TFAP2A: variants seen among roughly 807,000 people sequenced by gnomAD.
TFAP2A encodes the protein transcription factor AP-2 alpha, also known as transcription factor AP-2-alpha.
TFAP2A carries 7 observed loss-of-function variants against 41.5 expected under a neutral mutation model. The observed-to-expected ratio is 0.17, with a 90% CI of 0.10 to 0.32. The LOEUF (loss-of-function observed/expected upper bound fraction) is 0.32. Among genes scored for constraint, TFAP2A ranks in the 10% least tolerant of loss-of-function variants. TFAP2A has a pLI of 1.00. For missense variants in TFAP2A, 416 were observed against 563.3 expected, an observed-to-expected ratio of 0.74 and a Z score of 2.65; for synonymous variants, 247 against 242.8, an observed-to-expected ratio of 1.02 and a Z score of -0.16.
In TFAP2A at chr6:10,398,243, A is replaced by G; in HGVS notation, c.*174T>C. 3 of 1,506,982 alleles carry G rather than the reference A, an allele frequency of 2.0e-6. No homozygotes were observed. The highest frequency in any genetic ancestry group is 2.6e-6 in the Non-Finnish European group (3 of 1,132,972). 93.4% of individuals were successfully genotyped at this position (1,506,982 alleles called of 1,614,324 possible). A position where few individuals can be genotyped will look rare whatever the true frequency, so the allele number is the denominator to read the frequency against. On this transcript the variant is annotated 3_prime_UTR_variant, in exon 7 of 7. Coordinates refer to ENST00000379613, the MANE Select transcript of TFAP2A (RefSeq NM_001372066.1). This position sits in a 1 kb window ranked among gnomAD's most constrained non-coding sequence, Gnocchi z 5.3. ...AGAGGCTGCCCCACTGACAGTCGAG[A>G]GGGCAGTCCCGGAGACTCGGGGGGA...
chr6:10,409,779 T>C (rs1483717527), intron 2 of TFAP2A, 122 bp downstream of exon 2: 2 of 1,233,204 alleles, frequency 1.6e-6, no homozygotes, highest in Non-Finnish European at 1.1e-6. Flanking sequence ...CCGAATAAAA[T>C]GTTTTTATAA....
In TFAP2A at chr6:10,398,456, G is replaced by C. The variant is rs749620758; in HGVS notation, c.1281C>G (p.Asn427Lys). The C allele has an allele frequency of 1.2e-6, 2 of 1,614,230 alleles. No homozygotes were observed. The highest frequency in any genetic ancestry group is 1.7e-6 in the Non-Finnish European group (2 of 1,180,048). Residue 427 changes from asparagine (N) to lysine (K), a missense_variant, in exon 7 of 7, where the codon AAC (asparagine) becomes AAG (lysine). Transcript: ENST00000379613. The surrounding 1 kb of genome is among the most constrained non-coding windows in gnomAD (Gnocchi z 5.3). ...TCTCCTCTTTGTCACTGCTTTTGGC[G>C]TTGTTGTCCGTGTGGCTGTTGGGGT... ...SNNPNSHTDN[N>K]AKSSDKEEKH...
chr6:10,398,654 C>G lies in TFAP2A; in HGVS notation c.1083G>C (p.Leu361=). ...TDLLAQDRSP[L]GNSRPNPILE... The stretch of plus-strand genomic sequence containing the variant: ...GGATGGGGTTGGGCCGTGAGTTCCC[C>G]AGGGGAGATCGGTCCTGAGCCAGCA... The change falls in exon 7 of 7, where the codon CTG becomes CTC. Residue 361 remains leucine (L), a synonymous_variant. Coordinates refer to ENST00000379613, the MANE Select transcript of TFAP2A (RefSeq NM_001372066.1). The surrounding 1 kb of genome is among the most constrained non-coding windows in gnomAD (Gnocchi z 5.3). The G allele has an allele frequency of 6.2e-7, 1 of 1,614,174 alleles. No individual in the cohort carries two copies. Among genetic ancestry groups the G allele is most frequent in the African/African-American group, 1.3e-5 (1 of 75,044 alleles).
chr6:10,412,062 A>C (rs1581272421), intron 1 of TFAP2A: 1 of 1,001,382 alleles, frequency 1.0e-6, no homozygotes, highest in East Asian at 1.0e-4. Flanking sequence ...ACGAATACTT[A>C]ATAAGGGAAG....
chr6:10,406,730 A>G (rs1210768119), intron 3 of TFAP2A, 63 bp downstream of exon 3: 1 of 1,398,684 alleles, frequency 7.1e-7, no homozygotes, highest in African/African-American at 1.4e-5. Context: ...CATCTCTGCA[A>G]GTTCTTTTAA....
rs1256777391 is a variant in TFAP2A, at chr6:10,402,496, T to G, written c.885A>C (p.Val295=). Reference sequence around the variant, plus strand: ...TTAGCAAGTGGATTCGCTTACCCTCTACTAGTGATGTGAGCAGGGTAACGT... The same window carrying G: ...TTAGCAAGTGGATTCGCTTACCCTCGACTAGTGATGTGAGCAGGGTAACGT... The part of the protein sequence containing the change: ...AANVTLLTSL[V]EGEAVHLARD... Residue 295 remains valine (V), a synonymous_variant, in exon 5 of 7, where the codon GTA becomes GTC. Coordinates refer to ENST00000379613, the MANE Select transcript of TFAP2A (RefSeq NM_001372066.1). The G allele has an allele frequency of 1.2e-6, 2 of 1,609,420 alleles. No homozygotes were observed. The highest frequency in any genetic ancestry group is 2.2e-5 in the South Asian group (2 of 90,996).
chr6:10,419,164 G>A (rs1230906552), upstream of TFAP2A, among the ~76,000 whole-genome samples: 1 of 152,178 alleles, frequency 6.6e-6, no homozygotes, highest in Admixed American at 6.5e-5. Flanking sequence ...GCCACCTGTG[G>A]AGCGTGCGCC....
At chr6:10,404,485 G>C in intron 4 of TFAP2A, 23 bp downstream of exon 4, 2 of 1,527,736 alleles carry the variant, frequency 1.3e-6, no homozygotes, top group Non-Finnish European at 8.8e-7. Flanking sequence ...GGGCGGGGCG[G>C]GCGGGGCCGT....
chr6:10,417,214 C>G (rs907245546), upstream of TFAP2A: 3 of 152,254 alleles, frequency 2.0e-5, no homozygotes, highest in Non-Finnish European at 2.9e-5. Context: ...CCTCTGCGGG[C>G]TTGGAAAGGC....
intron 1 of TFAP2A, chr6:10,414,435 C>T (rs1043950243): frequency 4.0e-6 from 1 of 248,974 alleles, no homozygotes; most frequent in Non-Finnish European, 7.9e-6. Flanking sequence ...AGAAGGGAAC[C>T]GCTTTAGAAG....
chr6:10,409,871 C>T (rs765521722), intron 2 of TFAP2A, 30 bp downstream of exon 2: 238 of 1,546,608 alleles, frequency 1.5e-4, no homozygotes, highest in Non-Finnish European at 8.7e-6. Context: ...GGGCTGTGTT[C>T]CCTCCCGCGC....
intron 6 of TFAP2A, among the ~76,000 whole-genome samples, chr6:10,400,040 C>T (rs1185574249): frequency 1.3e-5 from 2 of 151,878 alleles, no homozygotes; most frequent in Non-Finnish European, 2.9e-5. Flanking sequence ...ATTTTGCAGG[C>T]CACTGTTTAA....
At chr6:10,406,244 C>T (rs998481788) in intron 3 of TFAP2A, 1 of 155,718 alleles carries the variant, frequency 6.4e-6, no homozygotes, top group African/African-American at 2.4e-5. Context: ...AACAAGTATG[C>T]TAATATTCCT....
Position 10,412,339 on chromosome 6 carries a change from G to C in TFAP2A, c.52-2004C>G, listed in dbSNP as rs1047259100. ...AGAGGCAGAGAGGGAGACCGAAGGA[G>C]AGAGCGCAGAGAGGGAGAATGTGTC... On this transcript the variant is annotated intron_variant, in intron 1 of 6. Transcript: ENST00000379613. 1.0e-5 allele frequency: 10 copies of C among 963,788 alleles called. No homozygotes were observed. In the East Asian group the frequency reaches 8.1e-4, roughly 78 times the overall value. 59.7% of individuals were successfully genotyped at this position (963,788 alleles called of 1,614,324 possible).
rs1758180288 is a variant in TFAP2A, at chr6:10,414,934, C to G, written c.51+7G>C. 1.2e-6 allele frequency: 2 copies of G among 1,613,992 alleles called. No individual in the cohort carries two copies. The highest frequency in any genetic ancestry group is 1.1e-5 in the South Asian group (1 of 91,070). On this transcript the variant is annotated splice_region_variant and intron_variant, in intron 1 of 6. Coordinates refer to ENST00000379613, the MANE Select transcript of TFAP2A (RefSeq NM_001372066.1). ...CGCACGGATGATCGAGCCGGCGTCG[C>G]GCTTACCTCGCAGTCCTCGTACTTG...
chr6:10,411,321 G>T (rs888408202), intron 1 of TFAP2A, among the ~76,000 whole-genome samples: 2 of 152,112 alleles, frequency 1.3e-5, no homozygotes, highest in Admixed American at 6.5e-5. Context: ...CACGCCTTGG[G>T]AAGCCGCGGC....
intron 2 of TFAP2A, chr6:10,407,644 C>T (rs935514948): frequency 1.3e-5 from 2 of 152,028 alleles, no homozygotes; most frequent in African/African-American, 4.8e-5. Context: ...CAAATTAGCA[C>T]CAGGGCTGCT....
chr6:10,416,678 G>C (rs1254124710), upstream of TFAP2A, among the ~76,000 whole-genome samples: 1 of 152,168 alleles, frequency 6.6e-6, no homozygotes, highest in Admixed American at 6.5e-5. Context: ...TTCCTAAAAG[G>C]GGATGGGAAC....
intron 1 of TFAP2A, among the ~76,000 whole-genome samples, chr6:10,410,626 G>A (rs1308328734): frequency 1.3e-5 from 2 of 152,210 alleles, no homozygotes; most frequent in Non-Finnish European, 2.9e-5. Flanking sequence ...TTAAACTGCA[G>A]CGTGAAATCT....
Sources: gnomAD v4.1 joint callset for allele counts (sites outside exome capture counted in the v4.1 genomes callset) on GRCh38, gnomAD v4.1.1 for gene constraint, Gnocchi (gnomAD v3.1) non-coding constraint, MANE v1.5 for transcripts, NCBI Gene and HGNC (gene_info 2026-07-23, HGNC 2026-07-21) for gene names.